The following DAB1 variants were observed in gnomAD, a reference collection of about 807,000 sequenced individuals.
The protein encoded by DAB1 is DAB adaptor protein 1, also known as disabled homolog 1.
A neutral mutation model predicts 64.6 loss-of-function variants in DAB1; 15 were observed. That is an observed-to-expected ratio of 0.23 (90% CI 0.16 to 0.36). The LOEUF is 0.36. Among genes scored for constraint, DAB1 ranks in the 10% least tolerant of loss-of-function variants. The pLI, the probability that DAB1 is intolerant of heterozygous loss-of-function variation, is 1.00. For synonymous variants in DAB1, 235 were observed against 251.9 expected (o/e 0.93, Z 0.64); for missense variants, 596 against 706.7 (o/e 0.84, Z 1.78).
intron 4 of DAB1, among the ~76,000 whole-genome samples, chr1:58,261,848 T>C (rs1216341917): frequency 1.3e-5 from 2 of 152,288 alleles, no homozygotes; most frequent in South Asian, 2.1e-4. Flanking sequence ...TGAGCCACCA[T>C]GCCCAGCCTT....
At position 58,224,740 on chromosome 1, in the gene DAB1, G is replaced by A. The variant is rs1659368742; in HGVS notation, n.310-74152C>T. Reference sequence around the variant, plus strand: ...GCTCCCTATTTAATAAATGGTGCTGGGAAAACTGGCTAGCCATATGTAGAA... The same window carrying A: ...GCTCCCTATTTAATAAATGGTGCTGAGAAAACTGGCTAGCCATATGTAGAA... On this transcript the variant is annotated intron_variant and non_coding_transcript_variant, in intron 4 of 20. Transcript: ENST00000485760. 3.9e-5 allele frequency among the ~76,000 whole-genome samples: 6 copies of A among 152,038 alleles called. No homozygotes were observed. In the South Asian group the frequency reaches 1.2e-3, roughly 32 times the overall value.
chr1:57,272,852 G>A (rs556365252), intron 2 of DAB1, among the ~76,000 whole-genome samples: 2 of 152,262 alleles, frequency 1.3e-5, no homozygotes, highest in African/African-American at 4.8e-5. Flanking sequence ...GGCAGTAGGG[G>A]TCAGGATAGG....
chr1:58,412,528 C>A (rs1309862146), intron 3 of DAB1, among the ~76,000 whole-genome samples: 2 of 152,192 alleles, frequency 1.3e-5, no homozygotes, highest in Admixed American at 1.3e-4. Context: ...CGCCCGCCCA[C>A]CACATTGTTT....
At chr1:57,835,443 A>C (rs1652767088) in intron 1 of DAB1, among the ~76,000 whole-genome samples, 2 of 152,164 alleles carry the variant, frequency 1.3e-5, no homozygotes, top group African/African-American at 4.8e-5. Flanking sequence ...TCTGTCATTA[A>C]TTCTAACTAT....
chr1:58,358,360 C>A (rs1644130916), intron 3 of DAB1, among the ~76,000 whole-genome samples: 1 of 151,646 alleles, frequency 6.6e-6, no homozygotes, highest in Admixed American at 6.6e-5. Flanking sequence ...CCATCAGAAC[C>A]AATATTTATT....
intron 2 of DAB1, among the ~76,000 whole-genome samples, chr1:57,215,471 A>G (rs1166267440): frequency 6.6e-6 from 1 of 152,190 alleles, no homozygotes; most frequent in East Asian, 1.9e-4. Flanking sequence ...ATTATGTCCT[A>G]TATTAACTCC....
At position 57,010,669 on chromosome 1, in the gene DAB1, C is replaced by A. The variant is rs1646236139; in HGVS notation, c.*15+11G>T. 2 of 1,437,474 alleles carry A rather than the reference C, an allele frequency of 1.4e-6. No homozygotes were observed. Among genetic ancestry groups the A allele is most frequent in the Non-Finnish European group, 1.9e-6 (2 of 1,065,700 alleles). 89.0% of individuals were successfully genotyped at this position (1,437,474 alleles called of 1,614,324 possible). ...TTAAGGGTAAAGGAGATAAAAAGGA[C>A]AGATACCTACCCAGACCTGCGCTAT... On this transcript the variant is annotated intron_variant, in intron 14 of 14. Coordinates refer to ENST00000371236, the MANE Select transcript of DAB1 (RefSeq NM_001365792.1).
In DAB1 at chr1:57,871,547, C is replaced by T. The variant is rs114167132; in HGVS notation, n.87+12452G>A. 9.0e-3 allele frequency among the ~76,000 whole-genome samples: 1,372 copies of T among 152,266 alleles called. 19 individuals carry two copies. Among genetic ancestry groups the T allele is most frequent in the African/African-American group, 0.032 (1,325 of 41,546 alleles). On this transcript the variant is annotated intron_variant and non_coding_transcript_variant, in intron 1 of 1. Transcript: ENST00000477280. ...GCTAAACTTCAGCAAGGTTAAGTGTCTTGCTCAAGGTCACATAGAAACCAT... is the reference window on the plus strand; with the variant it reads ...GCTAAACTTCAGCAAGGTTAAGTGTTTTGCTCAAGGTCACATAGAAACCAT...
intron 1 of DAB1, among the ~76,000 whole-genome samples, chr1:57,371,068 A>G (rs948681735): frequency 6.6e-6 from 1 of 152,208 alleles, no homozygotes; most frequent in Admixed American, 6.5e-5. Context: ...GGGAATAAGT[A>G]GCGGCTATAT....
intron 4 of DAB1, among the ~76,000 whole-genome samples, chr1:58,162,830 T>C (rs1270836905): frequency 6.6e-6 from 1 of 152,202 alleles, no homozygotes; most frequent in Non-Finnish European, 1.5e-5. Flanking sequence ...GAATTGCAGC[T>C]GCCAAAGTGA....
chr1:57,619,310 A>G (rs987893529), intron 7 of DAB1, among the ~76,000 whole-genome samples: 5 of 152,220 alleles, frequency 3.3e-5, no homozygotes, highest in Non-Finnish European at 7.3e-5. Flanking sequence ...ACTAACTTTT[A>G]TGGAGCACCT....
chr1:58,079,070 G>A (rs879912703), intron 5 of DAB1, among the ~76,000 whole-genome samples: 1 of 152,136 alleles, frequency 6.6e-6, no homozygotes, highest in East Asian at 1.9e-4. Context: ...AGATGATGTG[G>A]GCAGGTAGGG....
At chr1:57,180,553 C>A (rs961974707) in intron 2 of DAB1, among the ~76,000 whole-genome samples, 2 of 152,026 alleles carry the variant, frequency 1.3e-5, no homozygotes, top group African/African-American at 4.8e-5. Context: ...TTTTAAGGGG[C>A]CTCTGAAATC....
At chr1:57,782,194 A>G (rs1425751650) in intron 6 of DAB1, among the ~76,000 whole-genome samples, 1 of 152,152 alleles carries the variant, frequency 6.6e-6, no homozygotes, top group Admixed American at 6.6e-5. Context: ...TTCTTCCAAC[A>G]AGAATGAAAC....
chr1:58,474,353 G>GT (rs770505982), intron 3 of DAB1, among the ~76,000 whole-genome samples: 11 of 151,952 alleles, frequency 7.2e-5, no homozygotes, highest in African/African-American at 1.2e-4. Context: ...TAAACTATAG[G>GT]TTTGTGCAAA....
At chr1:58,015,384 C>G (rs1185273671) in intron 5 of DAB1, among the ~76,000 whole-genome samples, 1 of 152,182 alleles carries the variant, frequency 6.6e-6, no homozygotes, top group Non-Finnish European at 1.5e-5. Flanking sequence ...CCCCCTCCCC[C>G]TAAACATGAT....
At chr1:57,468,835 T>C (rs910054353) in intron 7 of DAB1, among the ~76,000 whole-genome samples, 16 of 152,352 alleles carry the variant, frequency 1.1e-4, no homozygotes, top group African/African-American at 3.8e-4. Flanking sequence ...ATTCACTTAC[T>C]CATGCATTCA....
intron 2 of DAB1, among the ~76,000 whole-genome samples, chr1:57,227,885 A>G (rs557282391): frequency 2.0e-5 from 3 of 152,122 alleles, no homozygotes; most frequent in Non-Finnish European, 4.4e-5. Flanking sequence ...GATGCACTGA[A>G]GCAAGAGCAA....
chr1:58,440,690 G>A (rs1644998346), intron 3 of DAB1, among the ~76,000 whole-genome samples: 1 of 152,184 alleles, frequency 6.6e-6, no homozygotes, highest in African/African-American at 2.4e-5. Context: ...TCACTAAGTG[G>A]CAGGCATTGT....
Sources: allele counts gnomAD v4.1 joint callset (sites outside exome capture counted in the v4.1 genomes callset), GRCh38; gene constraint gnomAD v4.1.1; transcripts MANE v1.5; gene names NCBI Gene and HGNC (gene_info 2026-07-23, HGNC 2026-07-21).